PLCH1: variants seen among roughly 807,000 people sequenced by gnomAD.
PLCH1 encodes the protein phospholipase C eta 1.
PLCH1 carries 60 observed loss-of-function variants against 126.7 expected under a neutral mutation model. That is an observed-to-expected ratio of 0.47 (90% CI 0.38 to 0.59). The LOEUF (loss-of-function observed/expected upper bound fraction) is 0.59, where lower values mean the gene tolerates loss of function less well. Ranked by LOEUF, PLCH1 falls within the 20% of genes least tolerant of loss-of-function variation. The probability of loss-of-function intolerance (pLI) is 0.00; values close to 1 mark genes in which losing one functional copy is unlikely to be tolerated. For missense variants in PLCH1, 1,723 were observed against 2,040.0 expected (o/e 0.84, Z 2.99); for synonymous variants, 719 against 734.9 (o/e 0.98, Z 0.35).
rs988571171 is a variant in PLCH1 at position 155,480,811 on chromosome 3, C to T, written c.*157G>A. On this transcript the variant is annotated 3_prime_UTR_variant, in exon 23 of 23. Coordinates refer to ENST00000460012, the MANE Select transcript of PLCH1 (RefSeq NM_014996.4). ...AAATGTCACCAAATCTATATACAAA[C>T]GCATTAACAGGGAGAACACATGAAG... The T allele has an allele frequency of 1.7e-5, 11 of 634,030 alleles. No individual in the cohort carries two copies. Among genetic ancestry groups the T allele is most frequent in the East Asian group, 1.0e-4 (4 of 38,450 alleles). The allele number at this position is 634,030 out of a possible 1,614,324, so 39.3% of individuals were successfully genotyped here. A position where few individuals can be genotyped will look rare whatever the true frequency, so the allele number is the denominator to read the frequency against.
Position 155,485,556 on chromosome 3 carries a change from T to A in PLCH1, c.2774A>T (p.Lys925Ile). The A allele has an allele frequency of 6.2e-7, 1 of 1,614,220 alleles. No homozygotes were observed. Among genetic ancestry groups the A allele is most frequent in the Admixed American group, 1.7e-5 (1 of 60,024 alleles). The change falls in exon 22 of 23, where the codon AAA (lysine) becomes ATA (isoleucine). Residue 925 changes from lysine to isoleucine, a missense_variant. Transcript: ENST00000460012. ...CTCCACCATTTCTTGGAAGCCCATT[T>A]TGCTCTTTTTCCTGCCTTTGGCTGG... ...SAPAKGRKKSKMGFQEMVEIK... is the reference protein window; with the variant it reads ...SAPAKGRKKSIMGFQEMVEIK...
rs943879809 is a variant in PLCH1 at position 155,690,417 on chromosome 3, G to A, written c.79+13729C>T. ...CATAATGTTTGCAAAAATTTCATAA[G>A]TGTCCTGAAGCCTGGCTATGGGTTT... On this transcript the variant is annotated intron_variant, in intron 2 of 22. Transcript: ENST00000460012. 3.3e-5 allele frequency among the ~76,000 whole-genome samples: 5 copies of A among 152,210 alleles called. No homozygotes were observed. The East Asian group carries it at 9.6e-4, about 29-fold the overall frequency.
chr3:155,577,002 C>G (rs1051557406), intron 6 of PLCH1, among the ~76,000 whole-genome samples: 1 of 152,136 alleles, frequency 6.6e-6, no homozygotes, highest in Non-Finnish European at 1.5e-5. Flanking sequence ...GAGATGGACA[C>G]TACGTTTGGT....
chr3:155,513,724 G>C (rs1471157753), intron 12 of PLCH1, among the ~76,000 whole-genome samples: 1 of 152,170 alleles, frequency 6.6e-6, no homozygotes, highest in African/African-American at 2.4e-5. Context: ...TGTCTCCCCA[G>C]TATTCCATCT....
chr3:155,597,954 C>T (rs919050784), intron 2 of PLCH1, among the ~76,000 whole-genome samples: 4 of 151,992 alleles, frequency 2.6e-5, no homozygotes, highest in Non-Finnish European at 5.9e-5. Flanking sequence ...GAGGCCGAGG[C>T]GGGTGGATCA....
intron 14 of PLCH1, among the ~76,000 whole-genome samples, chr3:155,499,149 T>C (rs1717517922): frequency 6.6e-6 from 1 of 152,236 alleles, no homozygotes; most frequent in East Asian, 1.9e-4. Context: ...TTGATTTATA[T>C]CTCCCTAATG....
At chr3:155,487,817 T>C (rs535689052) in intron 21 of PLCH1, among the ~76,000 whole-genome samples, 1 of 152,304 alleles carries the variant, frequency 6.6e-6, no homozygotes, top group Non-Finnish European at 1.5e-5. Flanking sequence ...GGCCCCTGTA[T>C]AGAAGAAATG....
intron 1 of PLCH1, among the ~76,000 whole-genome samples, chr3:155,729,219 G>C (rs941790756): frequency 2.0e-5 from 3 of 152,316 alleles, no homozygotes; most frequent in African/African-American, 7.2e-5. Context: ...CCATCCACCA[G>C]TGAGTGAAGG....
intron 2 of PLCH1, among the ~76,000 whole-genome samples, chr3:155,664,258 G>A (rs1277953270): frequency 6.6e-6 from 1 of 152,156 alleles, no homozygotes; most frequent in Non-Finnish European, 1.5e-5. Context: ...CCACCCTAGT[G>A]GAAAAGCATC....
At chr3:155,552,230 C>A (rs1726242525) in intron 9 of PLCH1, among the ~76,000 whole-genome samples, 1 of 152,028 alleles carries the variant, frequency 6.6e-6, no homozygotes, top group South Asian at 2.1e-4. Flanking sequence ...TTCAAAAATC[C>A]TTTCTTGAAT....
chr3:155,482,339 G>A lies in PLCH1; in HGVS notation c.3687C>T (p.Pro1229=). 2 of 1,614,146 alleles carry A rather than the reference G, an allele frequency of 1.2e-6. No homozygotes were observed. The highest frequency in any genetic ancestry group is 1.7e-6 in the Non-Finnish European group (2 of 1,180,018). Residue 1229 remains proline, a synonymous_variant, in exon 23 of 23, where the codon CCC becomes CCT. Coordinates refer to ENST00000460012, the MANE Select transcript of PLCH1 (RefSeq NM_014996.4). The part of the protein sequence containing the change: ...CPLPSLGLKM[P]IKHGFCKGKS... ...TTCCCTTGCAAAAACCATGCTTGAT[G>A]GGCATTTTTAGGCCCAGGCTAGGCA... is the stretch of plus-strand genomic sequence containing the variant.
At chr3:155,659,550 A>G (rs1741879409) in intron 2 of PLCH1, among the ~76,000 whole-genome samples, 1 of 151,568 alleles carries the variant, frequency 6.6e-6, no homozygotes, top group African/African-American at 2.4e-5. Context: ...CCCAGGCTGG[A>G]GTGCAGTAGC....
At chr3:155,575,123 C>A (rs1577050231) in intron 6 of PLCH1, among the ~76,000 whole-genome samples, 1 of 151,058 alleles carries the variant, frequency 6.6e-6, no homozygotes, top group Admixed American at 6.6e-5. Context: ...AGAGCAAGAC[C>A]CCATCTAAAA....
intron 2 of PLCH1, among the ~76,000 whole-genome samples, chr3:155,609,844 A>G (rs1734816584): frequency 6.6e-6 from 1 of 152,110 alleles, no homozygotes; most frequent in Non-Finnish European, 1.5e-5. Context: ...TGACAAAGAT[A>G]AGGAAAAAAG....
chr3:155,504,878 C>A (rs1718427646), intron 12 of PLCH1, among the ~76,000 whole-genome samples: 2 of 152,176 alleles, frequency 1.3e-5, no homozygotes, highest in African/African-American at 4.8e-5. Context: ...TGCACCTTCC[C>A]AAAGCTGAGG....
At chr3:155,655,893 T>C (rs775350574) in intron 2 of PLCH1, among the ~76,000 whole-genome samples, 2 of 151,926 alleles carry the variant, frequency 1.3e-5, no homozygotes, top group Non-Finnish European at 2.9e-5. Flanking sequence ...TGCAAATTCT[T>C]TGGAGAAAAA....
At position 155,593,254 on chromosome 3, in the gene PLCH1, T is replaced by C. The variant is rs188217011; in HGVS notation, c.470+687A>G. Among the ~76,000 whole-genome samples, 6 of 152,302 alleles carry C rather than the reference T, an allele frequency of 3.9e-5. No individual in the cohort carries two copies. In the East Asian group the frequency reaches 1.2e-3, roughly 29 times the overall value. ...CTGAGGCCAGAAAGGCCTTGCTATA[T>C]GCCCAGTCAATCCCAGCAAGAAGGA... On this transcript the variant is annotated intron_variant, in intron 4 of 22. Coordinates refer to ENST00000460012, the MANE Select transcript of PLCH1 (RefSeq NM_014996.4).
chr3:155,562,886 T>C (rs779994114), intron 8 of PLCH1, among the ~76,000 whole-genome samples: 9 of 152,222 alleles, frequency 5.9e-5, no homozygotes, highest in Non-Finnish European at 8.8e-5. Context: ...CATCAAACAT[T>C]TGGATGCAGA....
chr3:155,488,035 T>C lies in PLCH1; in HGVS notation c.2612A>G (p.Tyr871Cys), dbSNP rs761673045. The change falls in exon 21 of 23, where the codon TAT becomes TGT. Residue 871 changes from tyrosine to cysteine, a missense_variant. Tyr to Cys is a radical substitution (Grantham distance 194, BLOSUM62 -2). This residue lies in a region of PLCH1 where 776 missense variants were observed against 1,062.9 expected (regional missense o/e 0.73). Transcript: ENST00000460012. ...IFVHITINEI[Y>C]GKNRQLQGLK... is the part of the protein sequence containing the mutation. Reference sequence around the variant, plus strand: ...TCCTATGATCTTTCTCACCTTTCCATAGATTTCATTGATGGTTATGTGTAC... The same window carrying C: ...TCCTATGATCTTTCTCACCTTTCCACAGATTTCATTGATGGTTATGTGTAC... 2 of 1,574,544 alleles carry C rather than the reference T, an allele frequency of 1.3e-6. No individual in the cohort carries two copies. Among genetic ancestry groups the C allele is most frequent in the South Asian group, 1.1e-5 (1 of 90,280 alleles).
Sources: allele counts gnomAD v4.1 joint callset (sites outside exome capture counted in the v4.1 genomes callset), GRCh38; gene constraint gnomAD v4.1.1; regional missense constraint gnomAD v4.1.1; transcripts MANE v1.5; gene names NCBI Gene and HGNC (gene_info 2026-07-23, HGNC 2026-07-21).